The following ELAPOR2 variants were observed in gnomAD, a reference collection of about 807,000 sequenced individuals.
ELAPOR2 encodes the protein endosome/lysosome-associated apoptosis and autophagy regulator family member 2.
A neutral mutation model predicts 120.7 loss-of-function variants in ELAPOR2; 89 were observed. The ratio of observed to expected loss-of-function variants is 0.74; its 90% confidence interval spans 0.62 to 0.88. ELAPOR2 has a LOEUF of 0.88. Ranked by LOEUF, ELAPOR2 falls within the 40% of genes least tolerant of loss-of-function variation. The pLI is 0.00. For synonymous variants in ELAPOR2, 444 were observed against 444.9 expected (o/e 1.00, Z 0.03); for missense variants, 1,134 against 1,251.6 (o/e 0.91, Z 1.42).
chr7:87,049,488 T>C (rs1225420545), intron 1 of ELAPOR2, among the ~76,000 whole-genome samples: 3 of 152,132 alleles, frequency 2.0e-5, no homozygotes, highest in Non-Finnish European at 4.4e-5. Flanking sequence ...TTCACCGTGT[T>C]AGCTAGGATG....
intron 3 of ELAPOR2, 128 bp from the exon 4 acceptor site, chr7:86,945,174 T>A (rs922105343): frequency 1.3e-6 from 1 of 777,522 alleles, no homozygotes; most frequent in African/African-American, 1.8e-5. Context: ...CAGAAGCTTT[T>A]CCAGACTCAA....
At chr7:86,952,038 C>A (rs938629624) in intron 2 of ELAPOR2, among the ~76,000 whole-genome samples, 2 of 152,100 alleles carry the variant, frequency 1.3e-5, no homozygotes, top group Admixed American at 6.5e-5. Flanking sequence ...AAATAAACCA[C>A]CAAAAGGACA....
chr7:87,034,996 T>C (rs749485131), intron 1 of ELAPOR2, among the ~76,000 whole-genome samples: 27 of 151,710 alleles, frequency 1.8e-4, no homozygotes, highest in African/African-American at 1.5e-4. Context: ...GCAGAATTGT[T>C]TGAAGCTTGA....
At chr7:87,019,387 C>T (rs921005404) in intron 1 of ELAPOR2, among the ~76,000 whole-genome samples, 11 of 152,090 alleles carry the variant, frequency 7.2e-5, no homozygotes, top group African/African-American at 2.7e-4. Context: ...TGGTCTTGAA[C>T]TCCTGGGCTC....
chr7:87,059,425 C>T lies in ELAPOR2; in HGVS notation c.89G>A (p.Ser30Asn), dbSNP rs960252685. 7.3e-6 allele frequency: 9 copies of T among 1,236,662 alleles called. No individual in the cohort carries two copies. In the African/African-American group the frequency reaches 1.4e-4, roughly 19 times the overall value. The allele number at this position is 1,236,662 out of a possible 1,614,324, so 76.6% of individuals were successfully genotyped here. The change falls in exon 1 of 22, where the codon AGC (serine) becomes AAC (asparagine). Residue 30 changes from serine to asparagine, a missense_variant. Around this residue, in one of 3 missense-constraint regions of ELAPOR2, gnomAD observed 280 missense variants for 331.5 expected, o/e 0.84. Coordinates refer to ENST00000450689, the MANE Select transcript of ELAPOR2 (RefSeq NM_001142749.3). ...APRRGRSPPW[S>N]PAWICCWALA... Reference sequence around the variant, plus strand: ...CGCCCAGCAGCAAATCCAGGCGGGGCTCCAGGGCGGCGAGCGCCCGCGGCG... The same window carrying T: ...CGCCCAGCAGCAAATCCAGGCGGGGTTCCAGGGCGGCGAGCGCCCGCGGCG...
chr7:86,967,315 C>T (rs1012866098), intron 1 of ELAPOR2, among the ~76,000 whole-genome samples: 2 of 152,000 alleles, frequency 1.3e-5, no homozygotes, highest in Admixed American at 1.3e-4. Context: ...CAAAAATTAG[C>T]CGGGCGTGGT....
At chr7:86,940,169 A>G in intron 5 of ELAPOR2, 54 bp from the exon 6 acceptor site, 1 of 1,082,314 alleles carries the variant, frequency 9.2e-7, no homozygotes, top group Non-Finnish European at 1.4e-6. Flanking sequence ...CCATTTCCAA[A>G]AGCTACTCCC....
Position 86,893,038 on chromosome 7 carries a change from T to C in ELAPOR2, c.2748A>G (p.Lys916=), listed in dbSNP as rs778081605. Residue 916 remains lysine, a synonymous_variant, in exon 20 of 22, where the codon AAA becomes AAG. Transcript: ENST00000450689. ...CAACCGTTTCACAGGTTGCCAACTT[T>C]TTCTCAGGCAAAGAAATTCCTTTAA... ...WCIKGISLPE[K]KLATCETVDF... 32 of 1,585,622 alleles carry C rather than the reference T, an allele frequency of 2.0e-5. No individual in the cohort carries two copies. The highest frequency in any genetic ancestry group is 2.5e-5 in the Non-Finnish European group (29 of 1,169,746).
chr7:86,899,300 C>A (rs1788606211), intron 18 of ELAPOR2, among the ~76,000 whole-genome samples: 1 of 152,128 alleles, frequency 6.6e-6, no homozygotes, highest in African/African-American at 2.4e-5. Flanking sequence ...GTAAGAACTG[C>A]TGTTTTGTTC....
At chr7:86,996,915 T>C (rs1330663093) in intron 1 of ELAPOR2, among the ~76,000 whole-genome samples, 3 of 152,314 alleles carry the variant, frequency 2.0e-5, no homozygotes, top group Non-Finnish European at 2.9e-5. Flanking sequence ...AGTCAGAAGT[T>C]TTGATTGACT....
intron 1 of ELAPOR2, among the ~76,000 whole-genome samples, chr7:86,984,724 G>A (rs1245545203): frequency 6.6e-6 from 1 of 152,166 alleles, no homozygotes; most frequent in Non-Finnish European, 1.5e-5. Flanking sequence ...ATGCCCATAA[G>A]AGAAAGCATG....
At chr7:86,890,466 C>A (rs1788092325) in intron 21 of ELAPOR2, among the ~76,000 whole-genome samples, 1 of 152,012 alleles carries the variant, frequency 6.6e-6, no homozygotes, top group Non-Finnish European at 1.5e-5. Flanking sequence ...GCCTAGCATC[C>A]CTTTCCTGTA....
At chr7:87,042,358 G>T (rs2129015932) in intron 1 of ELAPOR2, among the ~76,000 whole-genome samples, 1 of 149,978 alleles carries the variant, frequency 6.7e-6, no homozygotes, top group South Asian at 2.1e-4. Context: ...CACATACTTG[G>T]AAGTAAAGCT....
intron 9 of ELAPOR2, among the ~76,000 whole-genome samples, 196 bp downstream of exon 9, chr7:86,926,540 T>C (rs1019681316): frequency 6.6e-6 from 1 of 152,028 alleles, no homozygotes; most frequent in Non-Finnish European, 1.5e-5. Context: ...AGGCTCTGGA[T>C]AGTAAGTATA....
intron 1 of ELAPOR2, among the ~76,000 whole-genome samples, chr7:87,000,605 C>T (rs892660952): frequency 1.3e-5 from 2 of 152,176 alleles, no homozygotes; most frequent in African/African-American, 4.8e-5. Context: ...GCCAGCTCCA[C>T]TCCATGTGTT....
intron 8 of ELAPOR2, among the ~76,000 whole-genome samples, chr7:86,934,735 A>G (rs1790491442): frequency 2.6e-5 from 4 of 151,992 alleles, no homozygotes; most frequent in Admixed American, 2.6e-4. Flanking sequence ...TAGCTAGCCC[A>G]GATGCTCTAC....
intron 1 of ELAPOR2, among the ~76,000 whole-genome samples, chr7:86,994,758 A>T (rs948115259): frequency 6.6e-6 from 1 of 152,110 alleles, no homozygotes; most frequent in African/African-American, 2.4e-5. Context: ...AAGATATCTT[A>T]GTTTTGTAGA....
intron 1 of ELAPOR2, among the ~76,000 whole-genome samples, chr7:87,024,567 C>T (rs535865404): frequency 2.0e-3 from 311 of 152,080 alleles, no homozygotes; most frequent in African/African-American, 7.0e-3. Context: ...ATCAGGATGA[C>T]GCTGGCCTCA....
chr7:86,899,901 T>C (rs1367879349), intron 18 of ELAPOR2, among the ~76,000 whole-genome samples: 1 of 151,878 alleles, frequency 6.6e-6, no homozygotes, highest in Non-Finnish European at 1.5e-5. Context: ...CAAAGATAGG[T>C]GGTTTTTTTT....
Sources: gnomAD v4.1 joint callset for allele counts (sites outside exome capture counted in the v4.1 genomes callset) on GRCh38, gnomAD v4.1.1 for gene constraint, gnomAD v4.1.1 regional missense constraint, MANE v1.5 for transcripts, NCBI Gene and HGNC (gene_info 2026-07-23, HGNC 2026-07-21) for gene names.